Variants in XPNPEP2 observed in about 807,000 individuals in gnomAD.
The protein encoded by XPNPEP2 is X-prolyl aminopeptidase 2.
A neutral mutation model predicts 59.8 loss-of-function variants in XPNPEP2; 64 were observed. The observed-to-expected ratio is 1.07, with a 90% confidence interval of 0.87 to 1.32. The LOEUF is 1.32. Among genes scored for constraint, XPNPEP2 ranks in the 40% most tolerant of loss-of-function variants. The pLI is 0.00. For synonymous variants in XPNPEP2, 235 were observed against 210.0 expected, an observed-to-expected ratio of 1.12 and a Z score of -1.03; for missense variants, 575 against 546.8, an observed-to-expected ratio of 1.05 and a Z score of -0.51.
Position 129,747,804 on chromosome X carries a change from G to A in XPNPEP2, c.637+51G>A, listed in dbSNP as rs751241660. 2.1e-5 allele frequency: 25 copies of A among 1,206,883 alleles called. No homozygotes were observed. In the Admixed American group the frequency reaches 2.4e-4, roughly 12 times the overall value. Reference sequence around the variant, plus strand: ...CCCAACTTGTAGCAACGCAGGTCCCGGCTGCTATTCCGTAGGTGGCAAACT... The same window carrying A: ...CCCAACTTGTAGCAACGCAGGTCCCAGCTGCTATTCCGTAGGTGGCAAACT... On this transcript the variant is annotated intron_variant, in intron 7 of 20. Coordinates refer to ENST00000371106, the MANE Select transcript of XPNPEP2 (RefSeq NM_003399.6).
chrX:129,767,508 T>A (rs748038732), intron 19 of XPNPEP2, 95 bp from the exon 20 acceptor site: 19 of 898,472 alleles, frequency 2.1e-5, no homozygotes, highest in Non-Finnish European at 2.8e-5. Flanking sequence ...CAGCTCCTTG[T>A]GTCCTCCGGG....
At chrX:129,748,532 C>T (rs1041179414) in intron 7 of XPNPEP2, among the ~76,000 whole-genome samples, 11 of 111,828 alleles carry the variant, frequency 9.8e-5, no homozygotes, top group Admixed American at 1.9e-4. Flanking sequence ...GATCCCTTTC[C>T]GCATGCAAGT....
chrX:129,758,923 G>A (rs1926605201), intron 14 of XPNPEP2, among the ~76,000 whole-genome samples: 1 of 111,988 alleles, frequency 8.9e-6, no homozygotes, highest in African/African-American at 3.2e-5. Flanking sequence ...CAGCCAAAAT[G>A]AGTGGGATGG....
rs12013938 is a variant in XPNPEP2 at position 129,749,502 on chromosome X, G to T, written c.638-966G>T. On this transcript the variant is annotated intron_variant, in intron 7 of 20. Transcript: ENST00000371106. ...CCAAAGCTTTGGTCATTGTTGAATAGTTTTACCTGTTCACATGAAATATTT... is the reference window on the plus strand; with the variant it reads ...CCAAAGCTTTGGTCATTGTTGAATATTTTTACCTGTTCACATGAAATATTT... Among the ~76,000 whole-genome samples, 608 of 113,068 alleles carry T rather than the reference G, an allele frequency of 5.4e-3. 6 individuals carry two copies. Among genetic ancestry groups the T allele is most frequent in the African/African-American group, 0.018 (564 of 31,163 alleles).
At chrX:129,747,278 C>G (rs375201333) in intron 6 of XPNPEP2, among the ~76,000 whole-genome samples, 1 of 112,825 alleles carries the variant, frequency 8.9e-6, no homozygotes, top group African/African-American at 3.2e-5. Flanking sequence ...TTGACTGTGA[C>G]ACTGAAGCCC....
Position 129,739,269 on chromosome X carries a change from G to T in XPNPEP2, c.49+7G>T. 1 of 1,208,104 alleles carries T rather than the reference G, an allele frequency of 8.3e-7. No individual in the cohort carries two copies. ...TGGCTGGTCCTCCTCTGTGGTATGTGCATCCTAGCTTCCACTGGAAGGCAG... is the reference window on the plus strand; with the variant it reads ...TGGCTGGTCCTCCTCTGTGGTATGTTCATCCTAGCTTCCACTGGAAGGCAG... On this transcript the variant is annotated splice_region_variant and intron_variant, in intron 1 of 20. Transcript: ENST00000371106.
intron 1 of XPNPEP2, among the ~76,000 whole-genome samples, chrX:129,741,279 AC>A: frequency 9.0e-6 from 1 of 110,910 alleles, no homozygotes; most frequent in East Asian, 2.9e-4. Flanking sequence ...TTTCAGGCCC[AC>A]CTCTCATACT....
Position 129,752,477 on chromosome X carries a change from C to T in XPNPEP2, c.1017+132C>T. On this transcript the variant is annotated intron_variant, in intron 10 of 20. Transcript: ENST00000371106. ...TCAGCCAACAACTGTGCAGTGAGTTCCCTTCTTGGCCTAACTGGGAAGAGC... is the reference window on the plus strand; with the variant it reads ...TCAGCCAACAACTGTGCAGTGAGTTTCCTTCTTGGCCTAACTGGGAAGAGC... 4.6e-6 allele frequency: 3 copies of T among 658,364 alleles called. No individual in the cohort carries two copies. In the South Asian group the frequency reaches 9.4e-5, roughly 21 times the overall value. The allele number at this position is 658,364 out of a possible 1,213,427, so 54.3% of individuals were successfully genotyped here.
At position 129,757,858 on chromosome X, in the gene XPNPEP2, A is replaced by AGAAG. The variant is rs1491134908; in HGVS notation, c.1367+1305_1367+1306insAGGA. The stretch of plus-strand genomic sequence containing the variant: ...AAGAAAGAAAGAAAGAAAGAAAGAA[A>AGAAG]GAGGGAGAGAGAGAAAGAGAGAGAG... On this transcript the variant is annotated intron_variant, in intron 14 of 20. Transcript: ENST00000371106. Among the ~76,000 whole-genome samples the AGAAG allele has an allele frequency of 4.3e-3, 322 of 74,729 alleles. 3 individuals carry two copies. The highest frequency in any genetic ancestry group is 0.019 in the African/African-American group (289 of 14,993). 64.9% of individuals were successfully genotyped at this position (74,729 alleles called of 115,157 possible). A position where few individuals can be genotyped will look rare whatever the true frequency, so the allele number is the denominator to read the frequency against.
chrX:129,765,679 C>T (rs1926739250), intron 19 of XPNPEP2, among the ~76,000 whole-genome samples: 1 of 97,864 alleles, frequency 1.0e-5, no homozygotes, highest in African/African-American at 4.0e-5. Flanking sequence ...CCTCTTTCTC[C>T]CAGGCTGGAG....
At chrX:129,765,845 C>A (rs926525479) in intron 19 of XPNPEP2, among the ~76,000 whole-genome samples, 3 of 110,316 alleles carry the variant, frequency 2.7e-5, no homozygotes, top group African/African-American at 9.9e-5. Context: ...ACCGTGTTGG[C>A]CAGGCTGGTC....
intron 19 of XPNPEP2, among the ~76,000 whole-genome samples, chrX:129,767,169 G>A (rs1472385479): frequency 3.6e-5 from 4 of 111,270 alleles, no homozygotes; most frequent in South Asian, 7.6e-4. Context: ...GGCCGTCATC[G>A]TGTCACTGCT....
chrX:129,765,571 G>A (rs1371043925), intron 19 of XPNPEP2, among the ~76,000 whole-genome samples: 2 of 108,051 alleles, frequency 1.9e-5, no homozygotes, highest in Non-Finnish European at 3.8e-5. Context: ...TTTCCAATCT[G>A]ATAGGTGAAA....
At chrX:129,749,696 G>C (rs1361667726) in intron 7 of XPNPEP2, among the ~76,000 whole-genome samples, 1 of 113,036 alleles carries the variant, frequency 8.8e-6, no homozygotes, top group East Asian at 2.8e-4. Flanking sequence ...CCAGATATAA[G>C]CATCTGAGAA....
chrX:129,742,370 C>G, intron 2 of XPNPEP2, among the ~76,000 whole-genome samples, 189 bp downstream of exon 2: 1 of 106,182 alleles, frequency 9.4e-6, no homozygotes, highest in African/African-American at 3.4e-5. Flanking sequence ...GGCCCCTCCC[C>G]CCTCCACTCC....
rs1464408298 is a variant in XPNPEP2, at chrX:129,764,159, G to T, written c.1740+1389G>T. On this transcript the variant is annotated intron_variant, in intron 19 of 20. Coordinates refer to ENST00000371106, the MANE Select transcript of XPNPEP2 (RefSeq NM_003399.6). ...AACAATGCCATAAACAAAGCCAAGA[G>T]ATGTGTGACAAATATCTCTTGGCTT... Among the ~76,000 whole-genome samples the T allele has an allele frequency of 3.2e-5, 3 of 94,703 alleles. No individual in the cohort carries two copies. In the South Asian group the frequency reaches 1.5e-3, roughly 48 times the overall value. 82.2% of individuals were successfully genotyped at this position (94,703 alleles called of 115,157 possible). A position where few individuals can be genotyped will look rare whatever the true frequency, so the allele number is the denominator to read the frequency against.
chrX:129,743,986 CCACAATGT>C lies in XPNPEP2; in HGVS notation c.153_160del (p.Met52HisfsTer32). 1 of 1,211,743 alleles carries C rather than the reference CCACAATGT, an allele frequency of 8.3e-7. No individual in the cohort carries two copies. Among genetic ancestry groups the C allele is most frequent in the Non-Finnish European group, 1.1e-6 (1 of 895,345 alleles). ...TACCTTCCAGTTACTGTGGTCAATA[CCACAATGT>C]CACTCACAGCCCTCCGCCAGCAGAT... On this transcript the variant is annotated frameshift_variant, in exon 3 of 21. Transcript: ENST00000371106. LOFTEE classifies it high-confidence loss of function.
chrX:129,751,107 C>G (rs980400241), intron 8 of XPNPEP2, among the ~76,000 whole-genome samples: 7 of 39,144 alleles, frequency 1.8e-4, no homozygotes, highest in Admixed American at 1.3e-3. Context: ...CTCCCCCACC[C>G]CCCCCCCCCG....
intron 19 of XPNPEP2, among the ~76,000 whole-genome samples, chrX:129,763,065 G>A (rs1273898849): frequency 1.8e-5 from 2 of 111,370 alleles, no homozygotes; most frequent in Non-Finnish European, 3.8e-5. Context: ...CATAATAATC[G>A]CCAGGGGAGC....
Sources: allele counts gnomAD v4.1 joint callset (sites outside exome capture counted in the v4.1 genomes callset), GRCh38; gene constraint gnomAD v4.1.1; transcripts MANE v1.5; gene names NCBI Gene and HGNC (gene_info 2026-07-23, HGNC 2026-07-21).